LRP2BP: variants seen among roughly 807,000 people sequenced by gnomAD.
LRP2BP encodes the protein LRP2-binding protein.
A neutral mutation model predicts 45.2 loss-of-function variants in LRP2BP; 38 were observed. That is an observed-to-expected ratio of 0.84 (90% CI 0.65 to 1.10). The LOEUF (loss-of-function observed/expected upper bound fraction) is 1.10. Among genes scored for constraint, LRP2BP ranks in the 50% least tolerant of loss-of-function variants. The pLI is 0.00. For synonymous variants in LRP2BP, 153 were observed against 153.9 expected (o/e 0.99, Z 0.04); for missense variants, 385 against 418.9 (o/e 0.92, Z 0.71).
Position 185,375,597 on chromosome 4 carries a change from C to G in LRP2BP, c.330+16G>C. ...ACAATGAAATCTTAACCACTGTGAC[C>G]AAGACATTAACTTACAGCGTCTAGA... On this transcript the variant is annotated intron_variant, in intron 4 of 8. Transcript: ENST00000505916. The G allele has an allele frequency of 6.9e-7, 1 of 1,449,962 alleles. No individual in the cohort carries two copies. Among genetic ancestry groups the G allele is most frequent in the Non-Finnish European group, 9.3e-7 (1 of 1,078,710 alleles). The allele number at this position is 1,449,962 out of a possible 1,614,324, so 89.8% of individuals were successfully genotyped here.
intron 1 of LRP2BP, among the ~76,000 whole-genome samples, chr4:185,389,470 A>G (rs2126843801): frequency 6.6e-6 from 1 of 152,284 alleles, no homozygotes; most frequent in Admixed American, 6.5e-5. Flanking sequence ...TCAGCCTCCC[A>G]AAGTGCTGGG....
At chr4:185,396,299 G>A (rs910190766), upstream of LRP2BP, 1 of 151,986 alleles carries the variant, frequency 6.6e-6, no homozygotes, top group African/African-American at 2.4e-5. Flanking sequence ...GCGCCGAGGC[G>A]GCAGCAGCGC....
At chr4:185,375,518 A>ATATATATATATATG (rs1554018477) in intron 4 of LRP2BP, 95 bp downstream of exon 4, 3 of 126,922 alleles carry the variant, frequency 2.4e-5, no homozygotes, top group African/African-American at 9.9e-5. Context: ...ATATATATGT[A>ATATATATATATATG]TATATATATG....
chr4:185,380,459 G>A (rs1315096440), intron 1 of LRP2BP, among the ~76,000 whole-genome samples: 1 of 152,176 alleles, frequency 6.6e-6, no homozygotes, highest in East Asian at 1.9e-4. Flanking sequence ...GTGGTTTCTG[G>A]TGATGTCTGG....
chr4:185,396,763 C>T, upstream of LRP2BP: 1 of 743,938 alleles, frequency 1.3e-6, no homozygotes, highest in Non-Finnish European at 2.3e-6. Flanking sequence ...CGGGCGTAAC[C>T]GGAGCTGGGG....
rs1189784399 is a variant in LRP2BP at position 185,366,421 on chromosome 4, G to A, written c.*759C>T. 1 of 152,144 alleles carries A rather than the reference G, an allele frequency of 6.6e-6. No individual in the cohort carries two copies. Among genetic ancestry groups the A allele is most frequent in the Non-Finnish European group, 1.5e-5 (1 of 68,024 alleles). 9.4% of individuals were successfully genotyped at this position (152,144 alleles called of 1,614,324 possible). A position where few individuals can be genotyped will look rare whatever the true frequency, so the allele number is the denominator to read the frequency against. On this transcript the variant is annotated 3_prime_UTR_variant, in exon 9 of 9. Transcript: ENST00000505916. ...TTGTTTTATTACACATTCTGCATAT[G>A]TATGTAGCAGTTGTTTTACTCATTA...
chr4:185,369,730 C>G (rs1468095105), intron 8 of LRP2BP: 3 of 437,178 alleles, frequency 6.9e-6, no homozygotes, highest in Non-Finnish European at 1.4e-5. Flanking sequence ...CCAAACTTAC[C>G]TGACATTGGA....
Position 185,378,151 on chromosome 4 carries a change from G to C in LRP2BP, c.36C>G (p.Pro12=). Residue 12 remains proline (P), a synonymous_variant, in exon 2 of 9, where the codon CCC becomes CCG. Coordinates refer to ENST00000505916, the MANE Select transcript of LRP2BP (RefSeq NM_001377440.1). ...CATACTGAGATACAGAGGCATAAAA[G>C]GGGTTCTTGGGCAACTTTTCACTGG... ...KLTSEKLPKN[P]FYASVSQYAA... 6.2e-7 allele frequency: 1 copy of C among 1,614,044 alleles called. No homozygotes were observed.
intron 7 of LRP2BP, among the ~76,000 whole-genome samples, chr4:185,372,393 AT>A (rs1367001942): frequency 6.6e-6 from 1 of 152,266 alleles, no homozygotes; most frequent in African/African-American, 2.4e-5. Flanking sequence ...ATTAAGTAAA[AT>A]TTAAAAGTTT....
chr4:185,381,304 T>C (rs938461439), intron 1 of LRP2BP, among the ~76,000 whole-genome samples: 2 of 152,248 alleles, frequency 1.3e-5, no homozygotes, highest in Non-Finnish European at 2.9e-5. Flanking sequence ...TGTGAATATA[T>C]CACAATTTAT....
intron 1 of LRP2BP, among the ~76,000 whole-genome samples, chr4:185,383,391 G>C (rs2095461287): frequency 6.6e-6 from 1 of 152,168 alleles, no homozygotes; most frequent in Non-Finnish European, 1.5e-5. Context: ...GAGGGGGGAA[G>C]ATCCCTTGAG....
At chr4:185,386,413 G>T (rs372130566) in intron 1 of LRP2BP, among the ~76,000 whole-genome samples, 1 of 152,198 alleles carries the variant, frequency 6.6e-6, no homozygotes, top group African/African-American at 2.4e-5. Flanking sequence ...TCAGATAAGT[G>T]TCTATGACCT....
upstream of LRP2BP, chr4:185,396,669 C>T (rs929284967): frequency 1.9e-6 from 1 of 516,834 alleles, no homozygotes; most frequent in Non-Finnish European, 3.4e-6. Context: ...CTGCCCCCGG[C>T]GCCGGGCTCC....
At position 185,395,912 on chromosome 4, in the gene LRP2BP, T is replaced by C; in HGVS notation, c.-1155A>G. The C allele has an allele frequency of 2.0e-6, 2 of 985,388 alleles. No individual in the cohort carries two copies. Among genetic ancestry groups the C allele is most frequent in the Non-Finnish European group, 2.4e-6 (2 of 829,892 alleles). 61.0% of individuals were successfully genotyped at this position (985,388 alleles called of 1,614,324 possible). ...TAAGCAGATCCTTCTGGAAAGACGCTTAGGGAGAGTCTAGGGAGCAGCTCT... is the reference window on the plus strand; with the variant it reads ...TAAGCAGATCCTTCTGGAAAGACGCCTAGGGAGAGTCTAGGGAGCAGCTCT... On this transcript the variant is annotated 5_prime_UTR_variant, in exon 1 of 9. Transcript: ENST00000505916.
At chr4:185,389,304 G>A (rs978763072) in intron 1 of LRP2BP, among the ~76,000 whole-genome samples, 1 of 151,588 alleles carries the variant, frequency 6.6e-6, no homozygotes, top group Admixed American at 6.6e-5. Context: ...CACCTCCCAG[G>A]TTCACGTGAT....
chr4:185,378,225 AAAT>A lies in LRP2BP; in HGVS notation c.-21-21_-21-19del, dbSNP rs1241428508. On this transcript the variant is annotated intron_variant, in intron 1 of 8. Coordinates refer to ENST00000505916, the MANE Select transcript of LRP2BP (RefSeq NM_001377440.1). ...TGTGTATTCTATAAGCAAGAAGAAAAAATAAGTGGTAGAAATTTCTTCCTCCAG... is the reference window on the plus strand; with the variant it reads ...TGTGTATTCTATAAGCAAGAAGAAAAAAGTGGTAGAAATTTCTTCCTCCAG... The A allele has an allele frequency of 6.2e-7, 1 of 1,603,732 alleles. No homozygotes were observed. Among genetic ancestry groups the A allele is most frequent in the South Asian group, 1.1e-5 (1 of 88,672 alleles).
chr4:185,378,842 A>G (rs73029530), intron 1 of LRP2BP: 56,307 of 985,214 alleles, frequency 0.057, 2,671 homozygotes, highest in East Asian at 0.22. Flanking sequence ...TTGTTGCTAC[A>G]CTTTTGTATT....
intron 6 of LRP2BP, 92 bp from the exon 7 acceptor site, chr4:185,373,171 G>C (rs2095421762): frequency 3.5e-6 from 4 of 1,149,532 alleles, no homozygotes; most frequent in Non-Finnish European, 5.0e-6. Context: ...GTGTTTCCTA[G>C]ATAGCACTAT....
intron 8 of LRP2BP, among the ~76,000 whole-genome samples, chr4:185,368,357 C>T (rs564081331): frequency 4.6e-5 from 7 of 152,246 alleles, no homozygotes; most frequent in African/African-American, 1.7e-4. Flanking sequence ...CTGTCGCCTC[C>T]AGGTCCCAGT....
Sources: allele counts gnomAD v4.1 joint callset (sites outside exome capture counted in the v4.1 genomes callset), GRCh38; gene constraint gnomAD v4.1.1; transcripts MANE v1.5; gene names NCBI Gene and HGNC (gene_info 2026-07-23, HGNC 2026-07-21).